The following GABRB3 variants were observed in gnomAD, a reference collection of about 807,000 sequenced individuals.
The protein encoded by GABRB3 is gamma-aminobutyric acid receptor subunit beta-3.
GABRB3 carries 14 observed loss-of-function variants against 52.1 expected under a neutral mutation model. The observed-to-expected ratio is 0.27, with a 90% CI of 0.18 to 0.42. The LOEUF (loss-of-function observed/expected upper bound fraction) is 0.42, where lower values mean the gene tolerates loss of function less well. Ranked by LOEUF, GABRB3 falls within the 10% of genes least tolerant of loss-of-function variation. The pLI is 1.00. For synonymous variants in GABRB3, 260 were observed against 232.3 expected (o/e 1.12, Z -1.08); for missense variants, 307 against 609.1 (o/e 0.50, Z 5.22).
At chr15:26,755,036 G>A (rs891866925) in intron 3 of GABRB3, among the ~76,000 whole-genome samples, 7 of 133,860 alleles carry the variant, frequency 5.2e-5, no homozygotes, top group South Asian at 2.3e-4. Flanking sequence ...ACGGAGTCTC[G>A]CTCTGTCACC....
chr15:26,612,313 AAT>A lies in GABRB3; in HGVS notation c.461+8999_461+9000del, dbSNP rs1426358314. 2.0e-5 allele frequency: 3 copies of A among 152,358 alleles called. No homozygotes were observed. In the East Asian group the frequency reaches 5.8e-4, roughly 29 times the overall value. 9.4% of individuals were successfully genotyped at this position (152,358 alleles called of 1,614,324 possible). On this transcript the variant is annotated intron_variant, in intron 4 of 8. Coordinates refer to ENST00000311550, the MANE Select transcript of GABRB3 (RefSeq NM_000814.6). The stretch of plus-strand genomic sequence containing the variant: ...AAGATTAAAAATCATCATTATAAGC[AAT>A]ATGATTGTAAGACTAAAATAATCAG...
chr15:26,594,297 G>C (rs1891316356), intron 4 of GABRB3, among the ~76,000 whole-genome samples: 1 of 151,402 alleles, frequency 6.6e-6, no homozygotes, highest in Non-Finnish European at 1.5e-5. Flanking sequence ...CTGAAACTTG[G>C]GCATTTCATC....
intron 3 of GABRB3, 128 bp downstream of exon 3, chr15:26,772,274 G>A (rs1317999101): frequency 6.5e-6 from 5 of 765,878 alleles, no homozygotes; most frequent in Non-Finnish European, 1.0e-5. Context: ...CTGGGAGCGC[G>A]GCTCCCTCTG....
intron 3 of GABRB3, among the ~76,000 whole-genome samples, chr15:26,683,383 T>A (rs1223898693): frequency 6.8e-6 from 1 of 146,964 alleles, no homozygotes; most frequent in Non-Finnish European, 1.5e-5. Flanking sequence ...GGTTTCCTGG[T>A]AGGAAACAGC....
intron 3 of GABRB3, chr15:26,624,466 G>C: frequency 3.0e-6 from 3 of 985,478 alleles, no homozygotes; most frequent in Non-Finnish European, 3.6e-6. Flanking sequence ...CAAGAAGGGA[G>C]AGAACTTGTC....
At chr15:26,606,208 A>C (rs190977515) in intron 4 of GABRB3, among the ~76,000 whole-genome samples, 3 of 115,754 alleles carry the variant, frequency 2.6e-5, no homozygotes, top group African/African-American at 8.2e-5. Flanking sequence ...GGTACAAAAA[A>C]ATAGAATAAG....
At chr15:26,715,520 G>A (rs1265605003) in intron 3 of GABRB3, among the ~76,000 whole-genome samples, 1 of 152,182 alleles carries the variant, frequency 6.6e-6, no homozygotes, top group Non-Finnish European at 1.5e-5. Flanking sequence ...AAGTCCTTAA[G>A]TGCCGAGGCA....
rs564407382 is a variant in GABRB3, at chr15:26,674,478, A to G, written c.241-52944T>C. Among the ~76,000 whole-genome samples the G allele has an allele frequency of 1.7e-4, 23 of 134,548 alleles. No homozygotes were observed. In the East Asian group the frequency reaches 2.6e-3, roughly 15 times the overall value. The allele number at this position is 134,548 out of a possible 152,430, so 88.3% of individuals were successfully genotyped here. The stretch of plus-strand genomic sequence containing the variant: ...AAAAGAAAAGAAAAAGAAAGAAAGA[A>G]AGAGAGAGAGAGAAAGAAAAGGAAA... On this transcript the variant is annotated intron_variant, in intron 3 of 8. Coordinates refer to ENST00000311550, the MANE Select transcript of GABRB3 (RefSeq NM_000814.6).
rs1241072550 is a variant in GABRB3, at chr15:26,773,012, G to T, written c.-50C>A. 2.3e-6 allele frequency: 3 copies of T among 1,289,274 alleles called. No individual in the cohort carries two copies. The highest frequency in any genetic ancestry group is 4.0e-5 in the East Asian group (1 of 25,262). 79.9% of individuals were successfully genotyped at this position (1,289,274 alleles called of 1,614,324 possible). A position where few individuals can be genotyped will look rare whatever the true frequency, so the allele number is the denominator to read the frequency against. ...GGAGGGGGCGCCCCGCCGCCGTCGC[G>T]ACCCGCAGCCGGGGCTGCTCCTGCT... On this transcript the variant is annotated 5_prime_UTR_variant, in exon 1 of 9. Coordinates refer to ENST00000311550, the MANE Select transcript of GABRB3 (RefSeq NM_000814.6).
In GABRB3 at chr15:26,771,103, A is replaced by T. The variant is rs935374862; in HGVS notation, c.240+1299T>A. 5.9e-5 allele frequency among the ~76,000 whole-genome samples: 9 copies of T among 152,226 alleles called. 1 individual carries two copies. The highest frequency in any genetic ancestry group is 5.9e-4 in the Admixed American group (9 of 15,280). On this transcript the variant is annotated intron_variant, in intron 3 of 8. Coordinates refer to ENST00000311550, the MANE Select transcript of GABRB3 (RefSeq NM_000814.6). ...TAATGAGAACAGCTTGGCGTGGTCA[A>T]AAGTTTCTTCCTATAAGATCCTTAG...
At chr15:26,693,608 A>G (rs780674855) in intron 3 of GABRB3, among the ~76,000 whole-genome samples, 18 of 152,210 alleles carry the variant, frequency 1.2e-4, no homozygotes, top group Non-Finnish European at 2.2e-4. Flanking sequence ...ACAACAAGAA[A>G]AAAAAGCTGA....
chr15:26,616,063 A>G, intron 4 of GABRB3: 1 of 1,289,120 alleles, frequency 7.8e-7, no homozygotes, highest in Non-Finnish European at 1.0e-6. Context: ...CATAGTACCT[A>G]TTTACCAAAA....
At chr15:26,593,316 C>T (rs1318869169) in intron 4 of GABRB3, among the ~76,000 whole-genome samples, 2 of 152,098 alleles carry the variant, frequency 1.3e-5, no homozygotes, top group Non-Finnish European at 2.9e-5. Flanking sequence ...AATTAAAATA[C>T]AATACACACA....
intron 6 of GABRB3, among the ~76,000 whole-genome samples, chr15:26,568,766 C>T (rs1890283784): frequency 6.6e-6 from 1 of 150,522 alleles, no homozygotes; most frequent in South Asian, 2.1e-4. Flanking sequence ...CCACCCACCT[C>T]GGCCTCCCAA....
rs984832991 is a variant in GABRB3, at chr15:26,714,207, C to T, written c.240+58195G>A. Reference sequence around the variant, plus strand: ...AAAAAGAGCTTCATAAGTGTCCCTGCATTGGGGTCGGTGTGAGGATGTAGT... The same window carrying T: ...AAAAAGAGCTTCATAAGTGTCCCTGTATTGGGGTCGGTGTGAGGATGTAGT... On this transcript the variant is annotated intron_variant, in intron 3 of 8. Transcript: ENST00000311550. Among the ~76,000 whole-genome samples the T allele has an allele frequency of 2.0e-5, 3 of 152,192 alleles. No individual in the cohort carries two copies. In the South Asian group the frequency reaches 6.2e-4, roughly 31 times the overall value.
At chr15:26,591,360 A>T (rs1891198511) in intron 4 of GABRB3, among the ~76,000 whole-genome samples, 1 of 152,096 alleles carries the variant, frequency 6.6e-6, no homozygotes, top group African/African-American at 2.4e-5. Flanking sequence ...AGATAGCAAA[A>T]CCCTTAGCAA....
At chr15:26,644,333 G>C (rs77669619) in intron 3 of GABRB3, among the ~76,000 whole-genome samples, 3 of 152,330 alleles carry the variant, frequency 2.0e-5, no homozygotes, top group East Asian at 3.9e-4. Context: ...TGTTTACAGA[G>C]ATGATTAAAT....
rs1032990349 is a variant in GABRB3 at position 26,723,097 on chromosome 15, C to T, written c.240+49305G>A. Among the ~76,000 whole-genome samples the T allele has an allele frequency of 3.9e-5, 6 of 152,080 alleles. 1 individual carries two copies. The South Asian group carries it at 8.3e-4, about 21-fold the overall frequency. ...TTCCAAGTTCTGCAATCATGGTAAG[C>T]ACATTAATAAAGGGGTAAGGGTAGA... On this transcript the variant is annotated intron_variant, in intron 3 of 8. Transcript: ENST00000311550.
chr15:26,711,951 T>C (rs976857586), intron 3 of GABRB3, among the ~76,000 whole-genome samples: 14 of 152,170 alleles, frequency 9.2e-5, no homozygotes, highest in Admixed American at 3.3e-4. Flanking sequence ...CATTTTAGTA[T>C]CGATCTGAGT....
Sources: allele counts gnomAD v4.1 joint callset (sites outside exome capture counted in the v4.1 genomes callset), GRCh38; gene constraint gnomAD v4.1.1; transcripts MANE v1.5; gene names NCBI Gene and HGNC (gene_info 2026-07-23, HGNC 2026-07-21).